Variants in SGCZ observed in about 807,000 individuals in gnomAD.
SGCZ encodes sarcoglycan zeta, also known as zeta-sarcoglycan.
Under a neutral mutation model 41.3 loss-of-function variants are expected in SGCZ, and 40 were observed. The ratio of observed to expected loss-of-function variants is 0.97; its 90% CI spans 0.75 to 1.26. The LOEUF (loss-of-function observed/expected upper bound fraction) is 1.26, where lower values mean the gene tolerates loss of function less well. SGCZ is among the 50% of genes most tolerant of loss of function. SGCZ has a pLI of 0.00. For synonymous variants in SGCZ, 206 were observed against 137.5 expected (o/e 1.50, Z -3.49); for missense variants, 552 against 369.8 (o/e 1.49, Z -4.04).
chr8:14,244,859 T>A (rs1201354538), intron 3 of SGCZ, among the ~76,000 whole-genome samples: 8 of 152,118 alleles, frequency 5.3e-5, no homozygotes, highest in African/African-American at 1.7e-4. Context: ...GAAGCAATTG[T>A]GAATGGGAGT....
chr8:14,777,033 T>C (rs1488970801), intron 1 of SGCZ, among the ~76,000 whole-genome samples: 2 of 152,218 alleles, frequency 1.3e-5, no homozygotes, highest in Non-Finnish European at 2.9e-5. Context: ...GCATGTATTC[T>C]ATCTGTGAGG....
At chr8:15,078,031 G>A (rs912388972) in intron 1 of SGCZ, among the ~76,000 whole-genome samples, 1 of 151,962 alleles carries the variant, frequency 6.6e-6, no homozygotes, top group Admixed American at 6.6e-5. Flanking sequence ...CTGGGGGACT[G>A]GGATAGAGCC....
intron 1 of SGCZ, among the ~76,000 whole-genome samples, chr8:14,621,159 A>G (rs1265633415): frequency 6.6e-6 from 1 of 151,818 alleles, no homozygotes; most frequent in Non-Finnish European, 1.5e-5. Context: ...GAAGCTGGAA[A>G]CCATCATTCT....
At chr8:15,197,287 G>A (rs1160689690) in intron 1 of SGCZ, among the ~76,000 whole-genome samples, 6 of 152,064 alleles carry the variant, frequency 3.9e-5, no homozygotes, top group African/African-American at 7.2e-5. Context: ...AATTAGTGTC[G>A]ACATTAACAA....
At chr8:14,490,817 A>G (rs1801820706) in intron 2 of SGCZ, among the ~76,000 whole-genome samples, 1 of 550 alleles carries the variant, frequency 1.8e-3, no homozygotes, top group African/African-American at 3.1e-3. Flanking sequence ...AGAATTGATC[A>G]TTTCAAAAAA....
chr8:14,785,069 A>T (rs909167675), intron 1 of SGCZ, among the ~76,000 whole-genome samples: 2 of 149,184 alleles, frequency 1.3e-5, no homozygotes, highest in South Asian at 4.2e-4. Context: ...CCAAATGACA[A>T]AAAGAAAATT....
chr8:15,102,053 C>T (rs1806636616), intron 1 of SGCZ, among the ~76,000 whole-genome samples: 2 of 152,314 alleles, frequency 1.3e-5, no homozygotes, highest in African/African-American at 2.4e-5. Flanking sequence ...CAATCACACT[C>T]CTATATATAT....
chr8:14,502,941 C>T (rs1388003604), intron 2 of SGCZ, among the ~76,000 whole-genome samples: 44 of 152,144 alleles, frequency 2.9e-4, no homozygotes, highest in Admixed American at 2.7e-3. Context: ...AATCTCGTTA[C>T]TGGGTATGTA....
At chr8:14,419,357 C>A (rs1173984783) in intron 2 of SGCZ, among the ~76,000 whole-genome samples, 1 of 151,878 alleles carries the variant, frequency 6.6e-6, no homozygotes, top group Non-Finnish European at 1.5e-5. Context: ...GAATTTACGT[C>A]TTTCCTCACT....
At chr8:14,444,830 A>T (rs1266272194) in intron 2 of SGCZ, among the ~76,000 whole-genome samples, 4 of 152,140 alleles carry the variant, frequency 2.6e-5, no homozygotes, top group Non-Finnish European at 1.5e-5. Context: ...AAATAAAATA[A>T]AATAAATGAA....
intron 1 of SGCZ, among the ~76,000 whole-genome samples, chr8:14,906,394 A>G (rs1799121434): frequency 1.3e-5 from 2 of 152,174 alleles, no homozygotes; most frequent in Admixed American, 1.3e-4. Context: ...AAAGTCCAGG[A>G]AGACACCAGG....
chr8:14,322,070 C>G (rs1801934579), intron 3 of SGCZ, among the ~76,000 whole-genome samples: 1 of 152,056 alleles, frequency 6.6e-6, no homozygotes, highest in African/African-American at 2.4e-5. Context: ...AAATATTTAT[C>G]CAACTTTTAG....
chr8:14,719,971 G>A (rs569606875), intron 1 of SGCZ, among the ~76,000 whole-genome samples: 4 of 151,994 alleles, frequency 2.6e-5, no homozygotes, highest in East Asian at 3.9e-4. Flanking sequence ...TTTCTTCTAG[G>A]GTTTTTAAGG....
chr8:14,507,898 G>C (rs918784665), intron 2 of SGCZ, among the ~76,000 whole-genome samples: 4 of 151,176 alleles, frequency 2.6e-5, no homozygotes, highest in African/African-American at 9.7e-5. Flanking sequence ...CAGCCTTTCT[G>C]GTAGCTGGGA....
intron 1 of SGCZ, among the ~76,000 whole-genome samples, chr8:14,779,176 G>A (rs746989098): frequency 1.3e-5 from 2 of 151,984 alleles, no homozygotes; most frequent in African/African-American, 2.4e-5. Context: ...ATTAAATCAT[G>A]GTCACCTATA....
chr8:14,360,324 A>T (rs901402453), intron 2 of SGCZ, among the ~76,000 whole-genome samples: 1 of 152,058 alleles, frequency 6.6e-6, no homozygotes, highest in Non-Finnish European at 1.5e-5. Context: ...AGTTTCCAAA[A>T]ATTTGTAATT....
chr8:14,701,463 C>T (rs914687415), intron 1 of SGCZ, among the ~76,000 whole-genome samples: 2 of 151,964 alleles, frequency 1.3e-5, no homozygotes, highest in Non-Finnish European at 2.9e-5. Flanking sequence ...GCTTCAATTA[C>T]TTCTCTTCTC....
chr8:15,117,221 C>T (rs60520262), intron 1 of SGCZ, among the ~76,000 whole-genome samples: 1,640 of 152,026 alleles, frequency 0.011, 30 homozygotes, highest in African/African-American at 0.037. Flanking sequence ...TAGCTGGGCG[C>T]GGTAGCAGGC....
chr8:14,395,711 T>C (rs536179211), intron 2 of SGCZ, among the ~76,000 whole-genome samples: 1 of 152,272 alleles, frequency 6.6e-6, no homozygotes, highest in African/African-American at 2.4e-5. Flanking sequence ...ATAACCTAGG[T>C]GGGCTACTTG....
Sources: gnomAD v4.1 joint callset for allele counts (sites outside exome capture counted in the v4.1 genomes callset) on GRCh38, gnomAD v4.1.1 for gene constraint, MANE v1.5 for transcripts, NCBI Gene and HGNC (gene_info 2026-07-23, HGNC 2026-07-21) for gene names.